The following PDK1 variants were observed in gnomAD, a reference collection of about 807,000 sequenced individuals.
PDK1 encodes pyruvate dehydrogenase kinase 1, also known as [Pyruvate dehydrogenase (acetyl-transferring)] kinase isozyme 1, mitochondrial.
PDK1 carries 39 observed loss-of-function variants against 54.2 expected under a neutral mutation model. The ratio of observed to expected loss-of-function variants is 0.72; its 90% CI spans 0.56 to 0.94. PDK1 has a LOEUF of 0.94. PDK1 is among the 40% of genes least tolerant of loss of function. The pLI, the probability that PDK1 is intolerant of heterozygous loss-of-function variation, is 0.00. For missense variants in PDK1, 552 were observed against 566.0 expected (o/e 0.98, Z 0.25); for synonymous variants, 221 against 207.1 (o/e 1.07, Z -0.58).
In PDK1 at chr2:172,598,086, C is replaced by A. The variant is rs1231495570; in HGVS notation, c.*2117C>A. 2 of 152,112 alleles carry A rather than the reference C, an allele frequency of 1.3e-5. No homozygotes were observed. Among genetic ancestry groups the A allele is most frequent in the African/African-American group, 4.8e-5 (2 of 41,428 alleles). 9.4% of individuals were successfully genotyped at this position (152,112 alleles called of 1,614,324 possible). On this transcript the variant is annotated 3_prime_UTR_variant, in exon 11 of 11. Transcript: ENST00000282077. ...ATGGATTTTGTGAAAAACAATAGAA[C>A]ATGTTAATGAGTAATTTATATTAGT...
the PDK1 span, among the ~76,000 whole-genome samples, chr2:172,688,029 A>C: frequency 6.6e-6 from 1 of 152,336 alleles, no homozygotes; most frequent in East Asian, 1.9e-4. Context: ...ACATAATCCC[A>C]CAGTGGGTCA....
the PDK1 span, among the ~76,000 whole-genome samples, chr2:172,614,104 G>A: frequency 1.3e-5 from 2 of 151,990 alleles, no homozygotes; most frequent in African/African-American, 4.8e-5. Flanking sequence ...GGGTGCAGCC[G>A]TGACCGCCCT....
the PDK1 span, among the ~76,000 whole-genome samples, chr2:172,643,507 A>C: frequency 6.6e-6 from 1 of 152,264 alleles, no homozygotes; most frequent in South Asian, 2.1e-4. Flanking sequence ...GGGCCCTGGA[A>C]TCTCCTGCCC....
chr2:172,619,365 T>C, the PDK1 span, among the ~76,000 whole-genome samples: 1 of 152,114 alleles, frequency 6.6e-6, no homozygotes, highest in Admixed American at 6.6e-5. Flanking sequence ...TCTGAACAAA[T>C]TTCCATAGCT....
chr2:172,652,265 A>G, the PDK1 span, among the ~76,000 whole-genome samples: 1 of 152,248 alleles, frequency 6.6e-6, no homozygotes, highest in African/African-American at 2.4e-5. Context: ...AGAAAATTCA[A>G]CAGCCCTTCA....
rs1688316887 is a variant in PDK1 at position 172,556,296 on chromosome 2, A to G, written c.146A>G (p.Tyr49Cys). ...GGCGTTCCGGGCCAGGTGGACTTCT[A>G]CGCGCGCTTCTCGCCGTCCCCGCTC... ...ERGVPGQVDF[Y>C]ARFSPSPLSM... is the part of the protein sequence containing the mutation. The change falls in exon 1 of 11, where the codon TAC (tyrosine) becomes TGC (cysteine). Residue 49 changes from tyrosine to cysteine, a missense_variant. Transcript: ENST00000282077. 5 of 1,509,984 alleles carry G rather than the reference A, an allele frequency of 3.3e-6. No homozygotes were observed. Among genetic ancestry groups the G allele is most frequent in the African/African-American group, 1.5e-5 (1 of 68,892 alleles). The allele number at this position is 1,509,984 out of a possible 1,614,324, so 93.5% of individuals were successfully genotyped here. A position where few individuals can be genotyped will look rare whatever the true frequency, so the allele number is the denominator to read the frequency against.
the PDK1 span, among the ~76,000 whole-genome samples, chr2:172,681,907 G>A: frequency 6.6e-6 from 1 of 152,082 alleles, no homozygotes; most frequent in African/African-American, 2.4e-5. Flanking sequence ...ACAGGCACCC[G>A]CCACCACACC....
chr2:172,555,770 G>C (rs568257388), upstream of PDK1: 216 of 174,854 alleles, frequency 1.2e-3, no homozygotes, highest in African/African-American at 5.0e-3. Flanking sequence ...ATACCGCCTC[G>C]CCTCTTAGTG....
rs77502960 is a variant in PDK1, at chr2:172,568,817, G to A, written c.846G>A (p.Lys282=). The A allele has an allele frequency of 6.4e-7, 1 of 1,568,492 alleles. No individual in the cohort carries two copies. The highest frequency in any genetic ancestry group is 2.2e-5 in the East Asian group (1 of 44,662). The part of the protein sequence containing the change: ...HLYHMVFELF[K]NAMRATMEHH... ...ATCACATGGTGTTTGAACTTTTCAA[G>A]GTTTGTAAAATAGTATTACATAACC... is the stretch of plus-strand genomic sequence containing the variant. Residue 282 remains lysine, a splice_region_variant and synonymous_variant, in exon 7 of 11, where the codon AAG becomes AAA. Coordinates refer to ENST00000282077, the MANE Select transcript of PDK1 (RefSeq NM_002610.5).
At chr2:172,691,895 G>A in the PDK1 span, among the ~76,000 whole-genome samples, 3 of 152,184 alleles carry the variant, frequency 2.0e-5, no homozygotes, top group African/African-American at 7.2e-5. Context: ...TAGTTTTTGT[G>A]TGGACATAAG....
In PDK1 at chr2:172,600,582, A is replaced by C. The variant is rs1424850392; in HGVS notation, c.*4613A>C. The C allele has an allele frequency of 1.3e-5, 2 of 152,188 alleles. No homozygotes were observed. The highest frequency in any genetic ancestry group is 2.9e-5 in the Non-Finnish European group (2 of 68,036). 9.4% of individuals were successfully genotyped at this position (152,188 alleles called of 1,614,324 possible). Reference sequence around the variant, plus strand: ...GAGGTCGCAGACACACACAGTTTGGAGCAGGAGTTTAATAGGCAAAAGGAA... The same window carrying C: ...GAGGTCGCAGACACACACAGTTTGGCGCAGGAGTTTAATAGGCAAAAGGAA... On this transcript the variant is annotated 3_prime_UTR_variant, in exon 11 of 11. Transcript: ENST00000282077.
At chr2:172,651,332 G>A in the PDK1 span, among the ~76,000 whole-genome samples, 1 of 152,180 alleles carries the variant, frequency 6.6e-6, no homozygotes, top group African/African-American at 2.4e-5. Context: ...GCAGTTTGTA[G>A]AGGAAAATTT....
chr2:172,718,771 GA>G, the PDK1 span, among the ~76,000 whole-genome samples: 1 of 152,120 alleles, frequency 6.6e-6, no homozygotes, highest in African/African-American at 2.4e-5. Context: ...ATAGAGGATT[GA>G]AAAAGTCAGG....
chr2:172,559,353 A>G (rs1365619228), intron 2 of PDK1, among the ~76,000 whole-genome samples: 1 of 152,188 alleles, frequency 6.6e-6, no homozygotes, highest in Non-Finnish European at 1.5e-5. Context: ...CTTGATTTTG[A>G]GAAAGCCAGT....
At chr2:172,650,948 A>C in the PDK1 span, among the ~76,000 whole-genome samples, 2 of 152,358 alleles carry the variant, frequency 1.3e-5, no homozygotes, top group East Asian at 3.9e-4. Flanking sequence ...AAGGATATCC[A>C]GGAATTGAAT....
At chr2:172,618,040 C>T in the PDK1 span, among the ~76,000 whole-genome samples, 15,524 of 152,172 alleles carry the variant, frequency 0.1, 959 homozygotes, top group Non-Finnish European at 0.13. Flanking sequence ...GATTTAAACA[C>T]TCATTTGATC....
At chr2:172,678,520 T>A in the PDK1 span, among the ~76,000 whole-genome samples, 1 of 152,196 alleles carries the variant, frequency 6.6e-6, no homozygotes, top group East Asian at 1.9e-4. Context: ...TGCATTATAT[T>A]AAAATAAACT....
chr2:172,652,574 C>T, the PDK1 span, among the ~76,000 whole-genome samples: 5 of 152,176 alleles, frequency 3.3e-5, no homozygotes, highest in Admixed American at 2.0e-4. Context: ...AAAACCTCAT[C>T]GTCTCAACCC....
At chr2:172,700,155 CT>C in the PDK1 span, among the ~76,000 whole-genome samples, 1 of 152,200 alleles carries the variant, frequency 6.6e-6, no homozygotes, top group Non-Finnish European at 1.5e-5. Context: ...ATGTCTACTT[CT>C]TTCCACACAG....
Sources: gnomAD v4.1 joint callset for allele counts (sites outside exome capture counted in the v4.1 genomes callset) on GRCh38, gnomAD v4.1.1 for gene constraint, MANE v1.5 for transcripts, NCBI Gene and HGNC (gene_info 2026-07-23, HGNC 2026-07-21) for gene names.